Variants in AGR3 observed in about 807,000 individuals in gnomAD.
AGR3 encodes anterior gradient 3, protein disulphide isomerase family member, also known as anterior gradient protein 3.
AGR3 carries 37 observed loss-of-function variants against 24.5 expected under a neutral mutation model. That is an observed-to-expected ratio of 1.51 (90% CI 1.16 to 1.99). The LOEUF (loss-of-function observed/expected upper bound fraction) is 1.99. Ranked by LOEUF, AGR3 falls within the 30% of genes most tolerant of loss-of-function variation. The pLI, the probability that AGR3 is intolerant of heterozygous loss-of-function variation, is 0.00. For synonymous variants in AGR3, 75 were observed against 61.6 expected (o/e 1.22, Z -1.02); for missense variants, 228 against 191.1 (o/e 1.19, Z -1.14).
intron 3 of AGR3, chr7:16,866,238 T>TTGAA (rs1219692679): frequency 5.7e-6 from 3 of 522,344 alleles, no homozygotes; most frequent in Non-Finnish European, 1.2e-5. Flanking sequence ...TAGAAAATCA[T>TTGAA]TGAATGATGG....
intron 2 of AGR3, among the ~76,000 whole-genome samples, chr7:16,876,988 GAGAT>G (rs1191488812): frequency 1.3e-5 from 2 of 152,022 alleles, no homozygotes; most frequent in African/African-American, 4.8e-5. Context: ...CTTATACAGA[GAGAT>G]AGAGTTATGT....
intron 3 of AGR3, chr7:16,865,984 C>T: frequency 1.5e-6 from 1 of 673,614 alleles, no homozygotes; most frequent in South Asian, 1.5e-5. Flanking sequence ...CTTCAATTAT[C>T]TTTTCATGCA....
At chr7:16,860,438 C>G (rs1461838203) in intron 7 of AGR3, 62 bp downstream of exon 7, 1 of 1,236,040 alleles carries the variant, frequency 8.1e-7, no homozygotes, top group African/African-American at 1.5e-5. Flanking sequence ...GCTTCACTAG[C>G]CCTTAACAAA....
Position 16,874,770 on chromosome 7 carries a change from C to T in AGR3, c.110-927G>A, listed in dbSNP as rs115651515. ...CTTGTTTTTCATGTTTGTTTTCTGG[C>T]GACAGCTTTATTGAAATAAAATTCA... On this transcript the variant is annotated intron_variant, in intron 2 of 7. Coordinates refer to ENST00000310398, the MANE Select transcript of AGR3 (RefSeq NM_176813.5). 7.7e-3 allele frequency among the ~76,000 whole-genome samples: 1,173 copies of T among 152,038 alleles called. 13 individuals are homozygous for T. Among genetic ancestry groups the T allele is most frequent in the African/African-American group, 0.027 (1,111 of 41,454 alleles).
At chr7:16,877,931 C>T (rs1157935743) in intron 2 of AGR3, among the ~76,000 whole-genome samples, 1 of 150,418 alleles carries the variant, frequency 6.6e-6, no homozygotes, top group East Asian at 1.9e-4. Flanking sequence ...ATATTTGTTT[C>T]TTGGGCCAAG....
rs756480263 is a variant in AGR3 at position 16,873,857 on chromosome 7, G to A, written c.110-14C>T. 2 of 1,604,892 alleles carry A rather than the reference G, an allele frequency of 1.2e-6. No homozygotes were observed. Among genetic ancestry groups the A allele is most frequent in the Non-Finnish European group, 1.7e-6 (2 of 1,172,538 alleles). The stretch of plus-strand genomic sequence containing the variant: ...CATCTCCCCATCCTGAAATAGAAGA[G>A]AGAAATCAATGCAGTAACCCAGAAC... On this transcript the variant is annotated splice_polypyrimidine_tract_variant and intron_variant, in intron 2 of 7. Transcript: ENST00000310398.
At chr7:16,866,813 G>T (rs1330646241) in intron 3 of AGR3, among the ~76,000 whole-genome samples, 1 of 151,852 alleles carries the variant, frequency 6.6e-6, no homozygotes, top group African/African-American at 2.4e-5. Context: ...GGAGTACGTT[G>T]TATATTAGAG....
At chr7:16,870,054 A>G (rs1781835319) in intron 3 of AGR3, among the ~76,000 whole-genome samples, 1 of 151,972 alleles carries the variant, frequency 6.6e-6, no homozygotes, top group Non-Finnish European at 1.5e-5. Flanking sequence ...AAGTCTTTCT[A>G]TCCAAGAATA....
intron 3 of AGR3, among the ~76,000 whole-genome samples, chr7:16,869,362 T>A: frequency 6.6e-6 from 1 of 152,208 alleles, no homozygotes; most frequent in East Asian, 1.9e-4. Context: ...TACTTTGTTT[T>A]GTTTTGTTTT....
chr7:16,871,983 T>A (rs532298449), intron 3 of AGR3, among the ~76,000 whole-genome samples: 2 of 152,260 alleles, frequency 1.3e-5, no homozygotes, highest in South Asian at 4.2e-4. Context: ...AGACATCCCA[T>A]GCCATGGATT....
intron 2 of AGR3, among the ~76,000 whole-genome samples, chr7:16,876,624 A>T (rs984386255): frequency 6.6e-6 from 1 of 152,124 alleles, no homozygotes; most frequent in African/African-American, 2.4e-5. Flanking sequence ...TCTCTCCATT[A>T]TCTCCCATGT....
At chr7:16,879,840 A>T (rs1782067574) in intron 1 of AGR3, among the ~76,000 whole-genome samples, 1 of 152,260 alleles carries the variant, frequency 6.6e-6, no homozygotes, top group Non-Finnish European at 1.5e-5. Context: ...GTAAAGTAGC[A>T]ACCGCAGTCG....
intron 3 of AGR3, among the ~76,000 whole-genome samples, chr7:16,868,355 A>C (rs554130361): frequency 2.6e-5 from 4 of 152,222 alleles, no homozygotes; most frequent in African/African-American, 9.6e-5. Flanking sequence ...GGGTTTCTCC[A>C]TGTTGGTCAG....
At chr7:16,864,737 G>T in intron 3 of AGR3, 1 of 1,443,124 alleles carries the variant, frequency 6.9e-7, no homozygotes, top group Non-Finnish European at 9.8e-7. Flanking sequence ...TGCGGTGTGT[G>T]CGAGGGTCAA....
At position 16,862,793 on chromosome 7, in the gene AGR3, A is replaced by T. The variant is rs976134107; in HGVS notation, c.174-131T>A. Reference sequence around the variant, plus strand: ...TAATCTCAGATTTACAAATCATAGCACTATAGTCAATAGCAGTGTTACTCT... The same window carrying T: ...TAATCTCAGATTTACAAATCATAGCTCTATAGTCAATAGCAGTGTTACTCT... On this transcript the variant is annotated intron_variant, in intron 3 of 7. Coordinates refer to ENST00000310398, the MANE Select transcript of AGR3 (RefSeq NM_176813.5). 1.5e-5 allele frequency: 9 copies of T among 612,976 alleles called. No homozygotes were observed. The South Asian group carries it at 1.5e-4, about 10-fold the overall frequency. The allele number at this position is 612,976 out of a possible 1,614,324, so 38.0% of individuals were successfully genotyped here.
At chr7:16,861,899 TAA>T (rs56817783) in intron 5 of AGR3, 83 bp downstream of exon 5, 45,776 of 835,858 alleles carry the variant, frequency 0.055, no homozygotes, top group East Asian at 0.069. Context: ...AGACTCTGTC[TAA>T]AAAAAAAAAA....
chr7:16,865,192 T>A, intron 3 of AGR3: 1 of 756,396 alleles, frequency 1.3e-6, no homozygotes, highest in East Asian at 2.4e-5. Context: ...TCAGTTTTTT[T>A]TCTTTGTTTT....
chr7:16,880,088 C>CTTCCTTCCTTCCTTCT (rs1376002892), intron 1 of AGR3, among the ~76,000 whole-genome samples: 44 of 99,426 alleles, frequency 4.4e-4, no homozygotes, highest in Middle Eastern at 0.011. Flanking sequence ...CTTCTTTCCC[C>CTTCCTTCCTTCCTTCT]TTCCTTCCTT....
At chr7:16,862,304 T>C (rs1371179033) in intron 4 of AGR3, among the ~76,000 whole-genome samples, 1 of 152,194 alleles carries the variant, frequency 6.6e-6, no homozygotes. Context: ...ATGTAACTCA[T>C]TGACTCATTG....
Sources: gnomAD v4.1 joint callset for allele counts (sites outside exome capture counted in the v4.1 genomes callset) on GRCh38, gnomAD v4.1.1 for gene constraint, MANE v1.5 for transcripts, NCBI Gene and HGNC (gene_info 2026-07-23, HGNC 2026-07-21) for gene names.